The following TMEM17 variants were observed in gnomAD, a reference collection of about 807,000 sequenced individuals.
TMEM17 encodes the protein transmembrane protein 17.
A neutral mutation model predicts 19.1 loss-of-function variants in TMEM17; 15 were observed. That is an observed-to-expected ratio of 0.78 (90% CI 0.52 to 1.21). The LOEUF is 1.21. Ranked by LOEUF, TMEM17 falls within the 50% of genes most tolerant of loss-of-function variation. TMEM17 has a pLI of 0.00. For synonymous variants in TMEM17, 103 were observed against 86.9 expected (o/e 1.19, Z -1.03); for missense variants, 245 against 242.3 (o/e 1.01, Z -0.07).
chr2:62,499,787 G>GA (rs1009266576), downstream of TMEM17, among the ~76,000 whole-genome samples: 2 of 151,994 alleles, frequency 1.3e-5, no homozygotes, highest in Non-Finnish European at 2.9e-5. Context: ...TTTCCCTATA[G>GA]AAAAAAAGAA....
chr2:62,487,688 CA>C, the TMEM17 span, among the ~76,000 whole-genome samples: 1 of 152,206 alleles, frequency 6.6e-6, no homozygotes, highest in East Asian at 1.9e-4. Context: ...GCACAGGCCC[CA>C]CTCCAAGTTT....
chr2:62,499,234 C>G (rs1005471231), downstream of TMEM17, among the ~76,000 whole-genome samples: 21 of 152,144 alleles, frequency 1.4e-4, no homozygotes, highest in African/African-American at 4.8e-4. Flanking sequence ...TTATTAATCT[C>G]TTAATTTTAA....
chr2:62,479,544 G>A, the TMEM17 span, among the ~76,000 whole-genome samples: 6 of 152,106 alleles, frequency 3.9e-5, no homozygotes, highest in Admixed American at 3.3e-4. Context: ...AATAAACATG[G>A]GGGTGTGGAT....
chr2:62,484,247 G>A, the TMEM17 span, among the ~76,000 whole-genome samples: 212 of 152,298 alleles, frequency 1.4e-3, 1 homozygote, highest in African/African-American at 4.8e-3. Context: ...CTATATCTGC[G>A]CTTTCCTGTT....
chr2:62,489,009 C>G, the TMEM17 span, among the ~76,000 whole-genome samples: 2 of 152,154 alleles, frequency 1.3e-5, no homozygotes, highest in Non-Finnish European at 2.9e-5. Context: ...CACGGACACC[C>G]TTACCAGGTG....
At position 62,506,151 on chromosome 2, in the gene TMEM17, A is replaced by AC. The variant is rs1558725491; in HGVS notation, c.-23dup. 7.6e-6 allele frequency: 12 copies of AC among 1,582,112 alleles called. No homozygotes were observed. Among genetic ancestry groups the AC allele is most frequent in the African/African-American group, 1.4e-5 (1 of 72,902 alleles). On this transcript the variant is annotated 5_prime_UTR_variant, in exon 1 of 4. Coordinates refer to ENST00000335390, the MANE Select transcript of TMEM17 (RefSeq NM_198276.3). ...CCATGCCTGGGCCTCAGTATCCCTC[A>AC]CCCCCTCAGACACGGGCTAGTCTGC...
At position 62,502,755 on chromosome 2, in the gene TMEM17, A is replaced by G; in HGVS notation, c.140T>C (p.Leu47Pro). 3.1e-6 allele frequency: 5 copies of G among 1,609,206 alleles called. No homozygotes were observed. Among genetic ancestry groups the G allele is most frequent in the Non-Finnish European group, 4.2e-6 (5 of 1,178,652 alleles). ...MVSSLALQMS[L>P]YFNTYYFPLW... ...TGGGAAATAGTAGGTATTAAAATAA[A>G]GTGACATCTGCAGTGCCAAACTGGA... Residue 47 changes from leucine to proline, a missense_variant, in exon 2 of 4, where the codon CTT becomes CCT. Physicochemically the swap from Leu to Pro is moderately conservative, Grantham distance 98. Transcript: ENST00000335390.
chr2:62,494,729 C>T, the TMEM17 span, among the ~76,000 whole-genome samples: 4 of 152,138 alleles, frequency 2.6e-5, no homozygotes, highest in South Asian at 6.2e-4. Context: ...TTTGGCCGGA[C>T]GCAGTGGCTC....
the TMEM17 span, among the ~76,000 whole-genome samples, chr2:62,472,026 A>G: frequency 6.6e-6 from 1 of 152,236 alleles, no homozygotes; most frequent in Non-Finnish European, 1.5e-5. Context: ...CAGGAGCAGT[A>G]GTGCTGAAGC....
the TMEM17 span, among the ~76,000 whole-genome samples, chr2:62,487,217 A>AT: frequency 6.6e-6 from 1 of 152,228 alleles, no homozygotes; most frequent in South Asian, 2.1e-4. Context: ...AGGAGAATCC[A>AT]TTTTCTTACC....
At chr2:62,492,916 T>A in the TMEM17 span, among the ~76,000 whole-genome samples, 3 of 152,190 alleles carry the variant, frequency 2.0e-5, no homozygotes, top group African/African-American at 7.2e-5. Context: ...TGGGAAGAAC[T>A]GCAGCTTGAA....
At chr2:62,488,421 G>A in the TMEM17 span, among the ~76,000 whole-genome samples, 1 of 151,370 alleles carries the variant, frequency 6.6e-6, no homozygotes, top group African/African-American at 2.4e-5. Context: ...TTTCCATGAA[G>A]GAGGAGTAGA....
the TMEM17 span, among the ~76,000 whole-genome samples, chr2:62,472,655 A>C: frequency 0.68 from 103,467 of 152,018 alleles, 35,400 homozygotes; most frequent in Admixed American, 0.77. Context: ...GGTCAAGGGG[A>C]TCTCCTCAGT....
At chr2:62,498,192 C>G (rs1679818237), downstream of TMEM17, among the ~76,000 whole-genome samples, 1 of 149,354 alleles carries the variant, frequency 6.7e-6, no homozygotes, top group African/African-American at 2.5e-5. Context: ...CAAAACCAGC[C>G]TGGCCAACAT....
downstream of TMEM17, among the ~76,000 whole-genome samples, chr2:62,496,930 C>T (rs141890229): frequency 6.9e-4 from 105 of 152,158 alleles, no homozygotes; most frequent in African/African-American, 2.4e-3. Context: ...CTCCAGCCTT[C>T]GTGACAGAGC....
intron 1 of TMEM17, among the ~76,000 whole-genome samples, 172 bp from the exon 2 acceptor site, chr2:62,502,966 G>A (rs1679972319): frequency 6.6e-6 from 1 of 152,042 alleles, no homozygotes. Flanking sequence ...ATACCAGTTA[G>A]GTCAAATATT....
the TMEM17 span, among the ~76,000 whole-genome samples, chr2:62,461,804 G>A: frequency 4.6e-5 from 7 of 152,238 alleles, no homozygotes; most frequent in African/African-American, 7.2e-5. Flanking sequence ...CATCCAGTGA[G>A]TAAACCAGAG....
At chr2:62,454,272 C>A in the TMEM17 span, among the ~76,000 whole-genome samples, 1 of 152,176 alleles carries the variant, frequency 6.6e-6, no homozygotes, top group Non-Finnish European at 1.5e-5. Flanking sequence ...TCTCCACAGA[C>A]CCAGCTCTGG....
the TMEM17 span, among the ~76,000 whole-genome samples, chr2:62,492,035 T>A: frequency 6.6e-6 from 1 of 152,172 alleles, no homozygotes; most frequent in East Asian, 1.9e-4. Context: ...TGAGAGTAGC[T>A]TCTGGACCCT....
Sources: gnomAD v4.1 joint callset for allele counts (sites outside exome capture counted in the v4.1 genomes callset) on GRCh38, gnomAD v4.1.1 for gene constraint, MANE v1.5 for transcripts, NCBI Gene and HGNC (gene_info 2026-07-23, HGNC 2026-07-21) for gene names.